The following SENP5 variants were observed in gnomAD, a reference collection of about 807,000 sequenced individuals.
SENP5 encodes the protein sentrin-specific protease 5.
SENP5 carries 21 observed loss-of-function variants against 74.2 expected under a neutral mutation model. The ratio of observed to expected loss-of-function variants is 0.28; its 90% CI spans 0.20 to 0.41. SENP5 has a LOEUF of 0.41. Among genes scored for constraint, SENP5 ranks in the 10% least tolerant of loss-of-function variants. The pLI, the probability that SENP5 is intolerant of heterozygous loss-of-function variation, is 1.00. For synonymous variants in SENP5, 311 were observed against 312.7 expected, an observed-to-expected ratio of 0.99 and a Z score of 0.06; for missense variants, 717 against 889.1, an observed-to-expected ratio of 0.81 and a Z score of 2.46.
rs184110654 is a variant in SENP5 at position 196,898,169 on chromosome 3, G to C, written c.1514-1497G>C. On this transcript the variant is annotated intron_variant, in intron 2 of 9. Coordinates refer to ENST00000323460, the MANE Select transcript of SENP5 (RefSeq NM_152699.5). ...CTCCAGCCTGGGTGAAAAGAGCAAG[G>C]CTTTGTCTTAAAAAAAAAGAAAAAA... is the stretch of plus-strand genomic sequence containing the variant. 1.1e-4 allele frequency among the ~76,000 whole-genome samples: 12 copies of C among 113,600 alleles called. No individual in the cohort carries two copies. The East Asian group carries it at 1.7e-3, about 16-fold the overall frequency. 74.5% of individuals were successfully genotyped at this position (113,600 alleles called of 152,430 possible).
At chr3:196,915,417 CA>C (rs1345032159) in intron 6 of SENP5, among the ~76,000 whole-genome samples, 1 of 152,172 alleles carries the variant, frequency 6.6e-6, no homozygotes, top group Non-Finnish European at 1.5e-5. Context: ...CTGAAGCCTC[CA>C]ATTCTAGGCC....
rs911554535 is a variant in SENP5 at position 196,932,913 on chromosome 3, G to A, written c.*1990G>A. 6.6e-6 allele frequency: 1 copy of A among 151,218 alleles called. No individual in the cohort carries two copies. Among genetic ancestry groups the A allele is most frequent in the African/African-American group, 2.4e-5 (1 of 41,184 alleles). The allele number at this position is 151,218 out of a possible 1,614,324, so 9.4% of individuals were successfully genotyped here. Reference sequence around the variant, plus strand: ...GTAAGAAAATCAACGCCGAGAGAGAGCTGCCCAAATCCAGTGACTCTTCCA... The same window carrying A: ...GTAAGAAAATCAACGCCGAGAGAGAACTGCCCAAATCCAGTGACTCTTCCA... On this transcript the variant is annotated 3_prime_UTR_variant, in exon 10 of 10. Transcript: ENST00000323460.
At chr3:196,887,933 A>G (rs1158580296) in intron 2 of SENP5, among the ~76,000 whole-genome samples, 1 of 151,900 alleles carries the variant, frequency 6.6e-6, no homozygotes, top group Non-Finnish European at 1.5e-5. Flanking sequence ...ATGCCCGGCT[A>G]ATTTTTTGTA....
chr3:196,903,511 T>C, intron 5 of SENP5, 22 bp from the exon 6 acceptor site: 1 of 1,538,790 alleles, frequency 6.5e-7, no homozygotes, highest in Non-Finnish European at 8.9e-7. Flanking sequence ...ATCTGGTTGC[T>C]TGTGTTTGTT....
intron 6 of SENP5, among the ~76,000 whole-genome samples, chr3:196,905,801 GCTTCT>G (rs1714878635): frequency 6.6e-6 from 1 of 152,056 alleles, no homozygotes; most frequent in African/African-American, 2.4e-5. Context: ...TTAACCTTTA[GCTTCT>G]CTTCTCTCCC....
At chr3:196,930,299 C>T (rs115830630) in intron 9 of SENP5, among the ~76,000 whole-genome samples, 52 of 152,294 alleles carry the variant, frequency 3.4e-4, no homozygotes, top group African/African-American at 1.1e-3. Context: ...TGCACTCCAG[C>T]AGGTTGCACT....
intron 1 of SENP5, among the ~76,000 whole-genome samples, chr3:196,877,962 AGGT>A (rs1463712141): frequency 6.6e-6 from 1 of 152,220 alleles, no homozygotes; most frequent in Non-Finnish European, 1.5e-5. Context: ...ATCATGGTAA[AGGT>A]GGTGGATTGA....
At chr3:196,900,087 G>A in intron 4 of SENP5, 25 bp downstream of exon 4, 1 of 1,597,780 alleles carries the variant, frequency 6.3e-7, no homozygotes, top group Non-Finnish European at 8.5e-7. Context: ...GTTTTTCAGT[G>A]TGGAGAAGTT....
intron 1 of SENP5, among the ~76,000 whole-genome samples, chr3:196,877,418 C>G (rs541915490): frequency 2.6e-5 from 4 of 152,288 alleles, no homozygotes; most frequent in African/African-American, 9.6e-5. Context: ...CTCCTGACCT[C>G]AGGTGATCTG....
chr3:196,887,580 A>G (rs1714029162), intron 2 of SENP5, among the ~76,000 whole-genome samples: 1 of 151,936 alleles, frequency 6.6e-6, no homozygotes, highest in Non-Finnish European at 1.5e-5. Flanking sequence ...GAATGTAGCA[A>G]TGAACAGAAT....
chr3:196,914,576 A>ATATATATATATATATATAT, intron 6 of SENP5: 1 of 75,432 alleles, frequency 1.3e-5, no homozygotes, highest in African/African-American at 5.8e-5. Flanking sequence ...AAAAAAAAAA[A>ATATATATATATATATATAT]AAAAAAAAAA....
chr3:196,885,289 C>G lies in SENP5; in HGVS notation c.108C>G (p.His36Gln). ...GGFKKFYFHQHLCILKAKLGR... is the reference protein window; with the variant it reads ...GGFKKFYFHQQLCILKAKLGR... ...TTAAGAAGTTTTATTTTCACCAACA[C>G]TTGTGCATTCTGAAAGCTAAGCTGG... Residue 36 changes from histidine (H) to glutamine (Q), a missense_variant, in exon 2 of 10, where the codon CAC (histidine) becomes CAG (glutamine). His to Gln is a conservative substitution (Grantham distance 24). Coordinates refer to ENST00000323460, the MANE Select transcript of SENP5 (RefSeq NM_152699.5). The G allele has an allele frequency of 6.2e-7, 1 of 1,614,134 alleles. No homozygotes were observed. Among genetic ancestry groups the G allele is most frequent in the Non-Finnish European group, 8.5e-7 (1 of 1,180,024 alleles).
chr3:196,903,543 T>TC lies in SENP5; in HGVS notation c.1818dup (p.Asn607GlnfsTer6). 6.2e-7 allele frequency: 1 copy of TC among 1,609,636 alleles called. No homozygotes were observed. The highest frequency in any genetic ancestry group is 8.5e-7 in the Non-Finnish European group (1 of 1,177,922). ...TGTTGTCTGTTCTAGGTTCACTTCT[T>TC]CAACAGCTTTTTTCATAGACAGCTG... On this transcript the variant is annotated frameshift_variant, in exon 6 of 10. Transcript: ENST00000323460. LOFTEE classifies it high-confidence loss of function.
intron 2 of SENP5, among the ~76,000 whole-genome samples, chr3:196,892,158 G>C (rs1002745996): frequency 2.0e-5 from 3 of 146,526 alleles, no homozygotes; most frequent in African/African-American, 5.4e-5. Flanking sequence ...TGGTTTCTTT[G>C]TTTGTGACAG....
intron 1 of SENP5, among the ~76,000 whole-genome samples, chr3:196,871,145 TGGCAACAGG>T (rs1025721659): frequency 9.2e-5 from 14 of 151,786 alleles, no homozygotes; most frequent in Non-Finnish European, 2.9e-5. Flanking sequence ...ATTCCAGCTT[TGGCAACAGG>T]GTGAGACTCT....
intron 1 of SENP5, among the ~76,000 whole-genome samples, chr3:196,873,657 G>A (rs1250183406): frequency 6.6e-6 from 1 of 151,408 alleles, no homozygotes; most frequent in East Asian, 2.0e-4. Context: ...TGGCTAACAC[G>A]GTGAAACCCC....
Position 196,886,678 on chromosome 3 carries a change from G to C in SENP5, c.1497G>C (p.Leu499=). The change falls in exon 2 of 10, where the codon CTG becomes CTC. Residue 499 remains leucine (L), a synonymous_variant. Coordinates refer to ENST00000323460, the MANE Select transcript of SENP5 (RefSeq NM_152699.5). ...CCTCTCCAGTGGATGATGAACAGCT[G>C]TCAGTCTGTCTTTCTGGTATGCACT... ...QKASPVDDEQ[L]SVCLSGFLDE... is the part of the protein sequence containing the mutation. 6.4e-7 allele frequency: 1 copy of C among 1,560,182 alleles called. No individual in the cohort carries two copies. The highest frequency in any genetic ancestry group is 8.6e-7 in the Non-Finnish European group (1 of 1,157,206).
intron 9 of SENP5, among the ~76,000 whole-genome samples, 150 bp from the exon 10 acceptor site, chr3:196,930,660 GAAA>G (rs1716001633): frequency 6.6e-6 from 1 of 152,130 alleles, no homozygotes; most frequent in Non-Finnish European, 1.5e-5. Context: ...CAAGTCTGTG[GAAA>G]AATTGCCTTA....
intron 1 of SENP5, among the ~76,000 whole-genome samples, chr3:196,869,892 T>C (rs1713136887): frequency 1.4e-5 from 2 of 146,894 alleles, no homozygotes; most frequent in South Asian, 4.4e-4. Context: ...TCAAAAATCA[T>C]AGAAAAATTG....
Sources: gnomAD v4.1 joint callset for allele counts (sites outside exome capture counted in the v4.1 genomes callset) on GRCh38, gnomAD v4.1.1 for gene constraint, MANE v1.5 for transcripts, NCBI Gene and HGNC (gene_info 2026-07-23, HGNC 2026-07-21) for gene names.